The following CDK14 variants were observed in gnomAD, a reference collection of about 807,000 sequenced individuals.
CDK14 encodes cyclin dependent kinase 14.
Under a neutral mutation model 60.7 loss-of-function variants are expected in CDK14, and 34 were observed. The observed-to-expected ratio is 0.56, with a 90% CI of 0.43 to 0.75. The LOEUF is 0.75. Among genes scored for constraint, CDK14 ranks in the 30% least tolerant of loss-of-function variants. The probability of loss-of-function intolerance (pLI) is 0.00; values close to 1 mark genes in which losing one functional copy is unlikely to be tolerated. For synonymous variants in CDK14, 197 were observed against 203.7 expected (o/e 0.97, Z 0.28); for missense variants, 482 against 564.1 (o/e 0.85, Z 1.47).
At chr7:91,184,590 T>C (rs1225791308) in intron 14 of CDK14, among the ~76,000 whole-genome samples, 2 of 152,096 alleles carry the variant, frequency 1.3e-5, no homozygotes, top group Non-Finnish European at 1.5e-5. Flanking sequence ...AGTGGGAGCA[T>C]GTGAGGACAA....
chr7:90,611,827 G>A (rs1038954505), intron 2 of CDK14, among the ~76,000 whole-genome samples: 2 of 142,614 alleles, frequency 1.4e-5, no homozygotes, highest in Non-Finnish European at 3.0e-5. Context: ...AGTTATCTTT[G>A]TGTGTTTTTT....
At chr7:90,646,967 C>T (rs1481672514) in intron 2 of CDK14, among the ~76,000 whole-genome samples, 2 of 152,168 alleles carry the variant, frequency 1.3e-5, no homozygotes, top group Non-Finnish European at 2.9e-5. Flanking sequence ...CTCACACCCT[C>T]ATCTGAAATG....
chr7:90,836,351 A>T (rs966593672), intron 5 of CDK14, among the ~76,000 whole-genome samples: 2 of 152,010 alleles, frequency 1.3e-5, no homozygotes, highest in African/African-American at 4.8e-5. Context: ...TAATATTTCA[A>T]TTTTTTTCTT....
chr7:90,757,209 AGTGTGTGTGTGT>A (rs56790315), intron 4 of CDK14, among the ~76,000 whole-genome samples: 2,504 of 120,368 alleles, frequency 0.021, 75 homozygotes, highest in African/African-American at 0.073. Flanking sequence ...GCATTCTTCC[AGTGTGTGTGTGT>A]GTGTGTGTGT....
intron 4 of CDK14, among the ~76,000 whole-genome samples, chr7:90,755,412 T>C (rs911913334): frequency 6.6e-6 from 1 of 152,038 alleles, no homozygotes; most frequent in African/African-American, 2.4e-5. Flanking sequence ...GAGCTAAGCA[T>C]TGGGTACACT....
intron 12 of CDK14, among the ~76,000 whole-genome samples, chr7:91,111,553 A>T (rs1799468849): frequency 6.6e-6 from 1 of 152,158 alleles, no homozygotes; most frequent in Non-Finnish European, 1.5e-5. Flanking sequence ...TAGAGTCAAG[A>T]AGTTCTGGAT....
chr7:90,734,629 A>G (rs746047399), intron 3 of CDK14, among the ~76,000 whole-genome samples: 4 of 150,478 alleles, frequency 2.7e-5, no homozygotes, highest in African/African-American at 7.4e-5. Flanking sequence ...TATGGTTCAC[A>G]AAGTTCTTGT....
intron 10 of CDK14, among the ~76,000 whole-genome samples, chr7:91,017,928 G>A (rs886682473): frequency 6.6e-5 from 10 of 152,170 alleles, no homozygotes; most frequent in South Asian, 2.1e-4. Context: ...GGGATTGGAT[G>A]AAACCAAATT....
chr7:90,761,081 T>A (rs1804294503), intron 4 of CDK14, among the ~76,000 whole-genome samples: 1 of 152,240 alleles, frequency 6.6e-6, no homozygotes, highest in African/African-American at 2.4e-5. Flanking sequence ...TTAATCTTTT[T>A]GATGAAAGTG....
chr7:91,023,636 T>A (rs919522433), intron 10 of CDK14, among the ~76,000 whole-genome samples: 1 of 152,190 alleles, frequency 6.6e-6, no homozygotes, highest in Non-Finnish European at 1.5e-5. Context: ...ATTGTTGTCA[T>A]TAGGGGACAA....
intron 6 of CDK14, among the ~76,000 whole-genome samples, chr7:90,885,090 A>G (rs750887710): frequency 4.6e-5 from 7 of 152,250 alleles, no homozygotes; most frequent in Non-Finnish European, 1.0e-4. Context: ...ACAAATGGGA[A>G]CTAATTAAAC....
intron 8 of CDK14, 112 bp downstream of exon 8, chr7:90,917,836 A>AT (rs909528732): frequency 0.012 from 11,833 of 969,102 alleles, no homozygotes; most frequent in South Asian, 0.014. Flanking sequence ...GATCCTGGTA[A>AT]TTTTTTTTTT....
At chr7:90,806,138 A>G (rs938182500) in intron 5 of CDK14, among the ~76,000 whole-genome samples, 2 of 152,216 alleles carry the variant, frequency 1.3e-5, no homozygotes, top group African/African-American at 4.8e-5. Context: ...TTTCAACTCA[A>G]AATTGATCAA....
At chr7:90,664,043 T>C (rs1303087053) in intron 2 of CDK14, among the ~76,000 whole-genome samples, 1 of 152,092 alleles carries the variant, frequency 6.6e-6, no homozygotes, top group African/African-American at 2.4e-5. Context: ...AACCTACTCA[T>C]CTGACAAAGG....
intron 5 of CDK14, among the ~76,000 whole-genome samples, chr7:90,808,062 G>C (rs1788931792): frequency 6.6e-6 from 1 of 152,178 alleles, no homozygotes; most frequent in African/African-American, 2.4e-5. Flanking sequence ...CCCAGGAGAA[G>C]TTCCCTAATC....
chr7:91,063,839 T>C (rs1249896541), intron 11 of CDK14, among the ~76,000 whole-genome samples: 1 of 152,184 alleles, frequency 6.6e-6, no homozygotes, highest in Non-Finnish European at 1.5e-5. Context: ...GATGGTCAGT[T>C]TTTCAAGTAT....
At chr7:90,729,371 T>TTTTTC (rs1491366603) in intron 3 of CDK14, among the ~76,000 whole-genome samples, 3 of 132,902 alleles carry the variant, frequency 2.3e-5, no homozygotes, top group African/African-American at 6.7e-5. Flanking sequence ...TTTTTTTTTT[T>TTTTTC]CCCCACTCAT....
At chr7:90,784,934 T>G (rs1336321275) in intron 4 of CDK14, among the ~76,000 whole-genome samples, 1 of 152,226 alleles carries the variant, frequency 6.6e-6, no homozygotes, top group South Asian at 2.1e-4. Flanking sequence ...TTTAAAAATA[T>G]TTTTAATAAC....
chr7:90,908,308 G>A (rs571850175), intron 7 of CDK14, among the ~76,000 whole-genome samples: 96 of 152,198 alleles, frequency 6.3e-4, no homozygotes, highest in African/African-American at 2.1e-3. Context: ...CATGTCTTTT[G>A]CATCCTCAGG....
Sources: allele counts gnomAD v4.1 joint callset (sites outside exome capture counted in the v4.1 genomes callset), GRCh38; gene constraint gnomAD v4.1.1; transcripts MANE v1.5; gene names NCBI Gene and HGNC (gene_info 2026-07-23, HGNC 2026-07-21).